DCLRE1C: variants seen among roughly 807,000 people sequenced by gnomAD.
The protein encoded by DCLRE1C is DNA cross-link repair 1C.
A neutral mutation model predicts 61.4 loss-of-function variants in DCLRE1C; 47 were observed. The observed-to-expected ratio is 0.77, with a 90% confidence interval of 0.61 to 0.98. The LOEUF (loss-of-function observed/expected upper bound fraction) is 0.98, where lower values mean the gene tolerates loss of function less well. DCLRE1C is among the 50% of genes least tolerant of loss of function. The pLI is 0.00. For missense variants in DCLRE1C, 858 were observed against 816.0 expected (o/e 1.05, Z -0.63); for synonymous variants, 337 against 287.6 (o/e 1.17, Z -1.74).
chr10:14,934,802 C>T lies in DCLRE1C; in HGVS notation c.465-27G>A, dbSNP rs1328376390. The T allele has an allele frequency of 2.6e-6, 4 of 1,522,004 alleles. No homozygotes were observed. In the Admixed American group the frequency reaches 5.0e-5, roughly 19 times the overall value. The allele number at this position is 1,522,004 out of a possible 1,614,324, so 94.3% of individuals were successfully genotyped here. A position where few individuals can be genotyped will look rare whatever the true frequency, so the allele number is the denominator to read the frequency against. On this transcript the variant is annotated intron_variant, in intron 6 of 13. Coordinates refer to ENST00000378278, the MANE Select transcript of DCLRE1C (RefSeq NM_001033855.3). Reference sequence around the variant, plus strand: ...TGAAAAGAAAAAAAATTGATGTTAGCCATCCAATGTGATATAAATTATGTG... The same window carrying T: ...TGAAAAGAAAAAAAATTGATGTTAGTCATCCAATGTGATATAAATTATGTG...
At position 14,906,923 on chromosome 10, in the gene DCLRE1C, A is replaced by C. The variant is rs1564356222; in HGVS notation, c.*1485T>G. On this transcript the variant is annotated 3_prime_UTR_variant, in exon 14 of 14. Coordinates refer to ENST00000378278, the MANE Select transcript of DCLRE1C (RefSeq NM_001033855.3). ...GAGATGGGGTCTTGCTTTGTTGCCC[A>C]GGCTGGGCACAATCAGCTCACTGCA... Among the ~76,000 whole-genome samples the C allele has an allele frequency of 6.6e-6, 1 of 152,106 alleles. No homozygotes were observed. Among genetic ancestry groups the C allele is most frequent in the Non-Finnish European group, 1.5e-5 (1 of 68,038 alleles).
intron 3 of DCLRE1C, among the ~76,000 whole-genome samples, chr10:14,940,304 TC>T: frequency 6.7e-6 from 1 of 149,018 alleles, no homozygotes; most frequent in Non-Finnish European, 1.5e-5. Context: ...TTTTTTTTTT[TC>T]TCAGATGCAT....
Position 14,923,001 on chromosome 10 carries a change from AGTT to A in DCLRE1C, c.1038_1040del (p.Thr347del). On this transcript the variant is annotated inframe_deletion, in exon 12 of 14. Coordinates refer to ENST00000378278, the MANE Select transcript of DCLRE1C (RefSeq NM_001033855.3). ...CTCACATTTCGACAACTTTATCCAT[AGTT>A]GTGCCAACTGGAATGACATTTGGAT... 1 of 1,614,128 alleles carries A rather than the reference AGTT, an allele frequency of 6.2e-7. No individual in the cohort carries two copies. Among genetic ancestry groups the A allele is most frequent in the Non-Finnish European group, 8.5e-7 (1 of 1,179,906 alleles).
At chr10:14,899,839 A>G (rs1765109361), downstream of DCLRE1C, among the ~76,000 whole-genome samples, 1 of 152,238 alleles carries the variant, frequency 6.6e-6, no homozygotes. Context: ...AAGTTATGGT[A>G]TTATTGCTGT....
chr10:14,930,278 CTTTTTT>C (rs60565089), intron 9 of DCLRE1C, among the ~76,000 whole-genome samples: 89 of 85,728 alleles, frequency 1.0e-3, no homozygotes, highest in African/African-American at 4.3e-3. Flanking sequence ...CACTCAGCAC[CTTTTTT>C]TTTTTTTTTT....
chr10:14,931,924 C>T (rs1488637459), intron 9 of DCLRE1C, among the ~76,000 whole-genome samples: 1 of 152,108 alleles, frequency 6.6e-6, no homozygotes, highest in East Asian at 1.9e-4. Context: ...ATCCCAGCTA[C>T]ATAGGAGGCT....
In DCLRE1C at chr10:14,905,694, TC is replaced by T. The variant is rs1335922677; in HGVS notation, c.*2713del. Among the ~76,000 whole-genome samples the T allele has an allele frequency of 1.3e-5, 2 of 152,218 alleles. No individual in the cohort carries two copies. Among genetic ancestry groups the T allele is most frequent in the African/African-American group, 2.4e-5 (1 of 41,446 alleles). On this transcript the variant is annotated 3_prime_UTR_variant, in exon 14 of 14. Coordinates refer to ENST00000378278, the MANE Select transcript of DCLRE1C (RefSeq NM_001033855.3). ...TGATACATCTTGGCATTTTGAAACTTCATGTTTCGGCTGGACACGGTAGCTG... is the reference window on the plus strand; with the variant it reads ...TGATACATCTTGGCATTTTGAAACTTATGTTTCGGCTGGACACGGTAGCTG...
intron 12 of DCLRE1C, among the ~76,000 whole-genome samples, chr10:14,921,530 C>G (rs562692234): frequency 6.6e-6 from 1 of 152,202 alleles, no homozygotes; most frequent in African/African-American, 2.4e-5. Flanking sequence ...TTTCCATTTC[C>G]TCACTTTTTA....
In DCLRE1C at chr10:14,920,241, C is replaced by T. The variant is rs1204562098; in HGVS notation, c.1062-409G>A. On this transcript the variant is annotated intron_variant, in intron 12 of 13. Coordinates refer to ENST00000378278, the MANE Select transcript of DCLRE1C (RefSeq NM_001033855.3). Reference sequence around the variant, plus strand: ...AATATAACTAGCTGCTTCTCCTGCCCTGTTCAGTAGGGTTTACTTATATCT... The same window carrying T: ...AATATAACTAGCTGCTTCTCCTGCCTTGTTCAGTAGGGTTTACTTATATCT... The T allele has an allele frequency of 7.3e-6, 3 of 413,296 alleles. No individual in the cohort carries two copies. The Admixed American group carries it at 1.4e-4, about 19-fold the overall frequency. The allele number at this position is 413,296 out of a possible 1,614,324, so 25.6% of individuals were successfully genotyped here. A position where few individuals can be genotyped will look rare whatever the true frequency, so the allele number is the denominator to read the frequency against.
chr10:14,900,837 GA>G (rs1049786689), downstream of DCLRE1C, among the ~76,000 whole-genome samples: 20 of 148,510 alleles, frequency 1.3e-4, no homozygotes, highest in South Asian at 6.3e-4. Context: ...AATTCTCCAG[GA>G]AAAAAAAAAG....
intron 2 of DCLRE1C, among the ~76,000 whole-genome samples, chr10:14,946,544 G>A (rs1478379195): frequency 6.6e-6 from 1 of 152,110 alleles, no homozygotes; most frequent in Non-Finnish European, 1.5e-5. Flanking sequence ...TAATTGCATG[G>A]CTTTTGAGGT....
chr10:14,949,336 C>T (rs1332458778), intron 1 of DCLRE1C, among the ~76,000 whole-genome samples: 1 of 152,178 alleles, frequency 6.6e-6, no homozygotes, highest in Non-Finnish European at 1.5e-5. Flanking sequence ...CATCATAGGC[C>T]AGAGTTTAAA....
At chr10:14,949,727 C>G (rs946443985) in intron 1 of DCLRE1C, among the ~76,000 whole-genome samples, 1 of 152,216 alleles carries the variant, frequency 6.6e-6, no homozygotes, top group Non-Finnish European at 1.5e-5. Context: ...GCCCAGACAA[C>G]AATGATCAAA....
chr10:14,954,203 C>T, upstream of DCLRE1C: 2 of 868,028 alleles, frequency 2.3e-6, no homozygotes, highest in African/African-American at 1.7e-5. Context: ...TAGGCGCCCG[C>T]TGCTTGGGTT....
rs2131108523 is a variant in DCLRE1C at position 14,945,168 on chromosome 10, A to G, written c.183T>C (p.Cys61=). The G allele has an allele frequency of 1.2e-6, 2 of 1,613,216 alleles. No individual in the cohort carries two copies. Among genetic ancestry groups the G allele is most frequent in the Admixed American group, 3.3e-5 (2 of 59,994 alleles). Reference sequence around the variant, plus strand: ...ACAACAACTCCTTAGTCACAGGTGAACAGTATAGATAAACCTTCAAGCTGA... The same window carrying G: ...ACAACAACTCCTTAGTCACAGGTGAGCAGTATAGATAAACCTTCAAGCTGA... ...LECSLKVYLY[C]SPVTKELLLT... Residue 61 remains cysteine, a synonymous_variant, in exon 3 of 14, where the codon TGT becomes TGC. Transcript: ENST00000378278.
intron 10 of DCLRE1C, among the ~76,000 whole-genome samples, chr10:14,927,391 A>C (rs564900658): frequency 3.5e-4 from 52 of 150,610 alleles, no homozygotes; most frequent in African/African-American, 5.8e-4. Context: ...TCTCCACACA[A>C]AAAAAAAAGA....
At chr10:14,947,887 C>A (rs1340880214) in intron 2 of DCLRE1C, among the ~76,000 whole-genome samples, 1 of 152,042 alleles carries the variant, frequency 6.6e-6, no homozygotes, top group Non-Finnish European at 1.5e-5. Flanking sequence ...TGGTAAAACC[C>A]CTCTCTACCG....
At position 14,906,358 on chromosome 10, in the gene DCLRE1C, T is replaced by G. The variant is rs1437904931; in HGVS notation, c.*2050A>C. 1.3e-5 allele frequency among the ~76,000 whole-genome samples: 2 copies of G among 152,222 alleles called. No individual in the cohort carries two copies. Among genetic ancestry groups the G allele is most frequent in the Non-Finnish European group, 2.9e-5 (2 of 68,034 alleles). On this transcript the variant is annotated 3_prime_UTR_variant, in exon 14 of 14. Transcript: ENST00000378278. ...ATCGGTTTCTTGATCACATCTGTTG[T>G]AGTTGTCTTAGCCCAATTCATTCAG...
chr10:14,927,019 G>GC, intron 10 of DCLRE1C, 122 bp from the exon 11 acceptor site: 1 of 780,354 alleles, frequency 1.3e-6, no homozygotes, highest in Non-Finnish European at 2.2e-6. Context: ...CGCTTCAGCA[G>GC]CAAGTGTCGA....
Sources: allele counts gnomAD v4.1 joint callset (sites outside exome capture counted in the v4.1 genomes callset), GRCh38; gene constraint gnomAD v4.1.1; transcripts MANE v1.5; gene names NCBI Gene and HGNC (gene_info 2026-07-23, HGNC 2026-07-21).